The following WWOX variants were observed in gnomAD, a reference collection of about 807,000 sequenced individuals.
The protein encoded by WWOX is WW domain containing oxidoreductase, also known as WW domain-containing oxidoreductase.
WWOX carries 69 observed loss-of-function variants against 46.2 expected under a neutral mutation model. The ratio of observed to expected loss-of-function variants is 1.49; its 90% CI spans 1.23 to 1.82. The LOEUF (loss-of-function observed/expected upper bound fraction) is 1.82, where lower values mean the gene tolerates loss of function less well. Ranked by LOEUF, WWOX falls within the 40% of genes most tolerant of loss-of-function variation. WWOX has a pLI of 0.00. For synonymous variants in WWOX, 359 were observed against 202.6 expected, an observed-to-expected ratio of 1.77 and a Z score of -6.56; for missense variants, 919 against 542.6, an observed-to-expected ratio of 1.69 and a Z score of -6.89.
intron 8 of WWOX, among the ~76,000 whole-genome samples, chr16:79,199,193 A>C (rs1368896848): frequency 6.6e-6 from 1 of 152,088 alleles, no homozygotes; most frequent in Non-Finnish European, 1.5e-5. Flanking sequence ...CTCCCAAGTA[A>C]GTGGGACTAC....
At chr16:78,509,141 A>G (rs80098896) in intron 8 of WWOX, among the ~76,000 whole-genome samples, 7,628 of 152,294 alleles carry the variant, frequency 0.05, 252 homozygotes, top group Non-Finnish European at 0.075. Flanking sequence ...AAGTTATTCA[A>G]TTAATAATTG....
At chr16:78,618,016 A>G (rs1417226541) in intron 8 of WWOX, among the ~76,000 whole-genome samples, 1 of 152,216 alleles carries the variant, frequency 6.6e-6, no homozygotes, top group Non-Finnish European at 1.5e-5. Flanking sequence ...AGCACCTGCT[A>G]TGAGCCAGAT....
At chr16:78,699,490 G>C (rs900488980) in intron 8 of WWOX, among the ~76,000 whole-genome samples, 2 of 152,186 alleles carry the variant, frequency 1.3e-5, no homozygotes, top group African/African-American at 4.8e-5. Flanking sequence ...AGTGAGCTGA[G>C]ATCGTGCCAC....
At chr16:78,471,250 A>T (rs1190281940) in intron 8 of WWOX, among the ~76,000 whole-genome samples, 1 of 152,212 alleles carries the variant, frequency 6.6e-6, no homozygotes, top group South Asian at 2.1e-4. Context: ...TGTCCTGCCA[A>T]TTCTTGAGCT....
intron 8 of WWOX, among the ~76,000 whole-genome samples, chr16:78,820,028 A>G (rs78256852): frequency 0.012 from 1,757 of 152,322 alleles, 40 homozygotes; most frequent in East Asian, 0.056. Flanking sequence ...GGAAAATAAA[A>G]TAACTCTGGC....
chr16:79,010,364 G>C (rs1301616509), intron 8 of WWOX, among the ~76,000 whole-genome samples: 1 of 152,120 alleles, frequency 6.6e-6, no homozygotes, highest in Non-Finnish European at 1.5e-5. Flanking sequence ...CTCAGTGGCA[G>C]CTTCAGAGAC....
chr16:78,319,013 C>A (rs1040925763), intron 5 of WWOX, among the ~76,000 whole-genome samples: 5 of 152,128 alleles, frequency 3.3e-5, no homozygotes, highest in African/African-American at 9.7e-5. Context: ...GTTACTGATC[C>A]TGCGAAGTTA....
intron 5 of WWOX, chr16:78,264,897 TCTTTCCTTTCTTTTTCTTTTTCTC>T (rs1292892964): frequency 2.0e-5 from 3 of 151,816 alleles, no homozygotes; most frequent in African/African-American, 4.8e-5. Context: ...TATCTTTGTT[TCTTTCCTTTCTTTTTCTTTTTCTC>T]CTTTCCTTTC....
chr16:78,549,125 A>G (rs2044117031), intron 8 of WWOX, among the ~76,000 whole-genome samples: 1 of 152,190 alleles, frequency 6.6e-6, no homozygotes, highest in African/African-American at 2.4e-5. Flanking sequence ...TGGTATTGAG[A>G]TTTGTGGAGG....
chr16:78,455,088 G>C (rs2083783349), intron 8 of WWOX, among the ~76,000 whole-genome samples: 1 of 152,200 alleles, frequency 6.6e-6, no homozygotes, highest in African/African-American at 2.4e-5. Context: ...GTGAAAGGGA[G>C]GTGAGATGAG....
chr16:78,359,467 G>T (rs1048314484), intron 5 of WWOX, among the ~76,000 whole-genome samples: 1 of 152,042 alleles, frequency 6.6e-6, no homozygotes, highest in East Asian at 1.9e-4. Context: ...ACATATAAAG[G>T]ATCGATAGTT....
At chr16:78,286,637 C>T (rs1215952221) in intron 5 of WWOX, among the ~76,000 whole-genome samples, 1 of 151,728 alleles carries the variant, frequency 6.6e-6, no homozygotes, top group African/African-American at 2.4e-5. Context: ...CACTGATGCA[C>T]TTTTGGTATG....
chr16:79,152,823 G>C (rs1400108138), intron 8 of WWOX, among the ~76,000 whole-genome samples: 1 of 152,310 alleles, frequency 6.6e-6, no homozygotes, highest in South Asian at 2.1e-4. Flanking sequence ...CCAGCACTGG[G>C]GTGGAGGCCG....
At chr16:78,947,194 TGAA>T (rs2045966078) in intron 8 of WWOX, among the ~76,000 whole-genome samples, 1 of 151,552 alleles carries the variant, frequency 6.6e-6, no homozygotes, top group South Asian at 2.1e-4. Context: ...CCCATAACAA[TGAA>T]ATAAATTAGG....
At position 79,132,008 on chromosome 16, in the gene WWOX, T is replaced by G. The variant is rs1208854897; in HGVS notation, c.1057-79600T>G. On this transcript the variant is annotated intron_variant, in intron 8 of 8. Transcript: ENST00000566780. Reference sequence around the variant, plus strand: ...GTACAGGAAAGACCCACCCCCATGATTCAGTTGTCTCCCTCCAGGTCCCTT... The same window carrying G: ...GTACAGGAAAGACCCACCCCCATGAGTCAGTTGTCTCCCTCCAGGTCCCTT... 2.0e-5 allele frequency among the ~76,000 whole-genome samples: 3 copies of G among 152,076 alleles called. No homozygotes were observed. In the East Asian group the frequency reaches 5.8e-4, roughly 29 times the overall value.
intron 8 of WWOX, among the ~76,000 whole-genome samples, chr16:78,495,734 C>G (rs1264694762): frequency 6.6e-6 from 1 of 151,806 alleles, no homozygotes; most frequent in African/African-American, 2.4e-5. Context: ...GTCTCGAACT[C>G]CTGACCTCAA....
At chr16:78,228,942 A>G (rs1354379682) in intron 5 of WWOX, among the ~76,000 whole-genome samples, 1 of 152,196 alleles carries the variant, frequency 6.6e-6, no homozygotes, top group Non-Finnish European at 1.5e-5. Flanking sequence ...CAAATCTAAC[A>G]GGAAGCTCCA....
intron 8 of WWOX, among the ~76,000 whole-genome samples, chr16:78,850,623 C>G (rs1338305248): frequency 6.6e-6 from 1 of 152,194 alleles, no homozygotes; most frequent in East Asian, 1.9e-4. Context: ...TATTTACCAT[C>G]ACCATCCTTG....
chr16:78,523,672 T>C (rs1210336372), intron 8 of WWOX, among the ~76,000 whole-genome samples: 1 of 152,188 alleles, frequency 6.6e-6, no homozygotes, highest in African/African-American at 2.4e-5. Context: ...TGTGCTTCTG[T>C]AAATGGAAAT....
Sources: allele counts gnomAD v4.1 joint callset (sites outside exome capture counted in the v4.1 genomes callset), GRCh38; gene constraint gnomAD v4.1.1; transcripts MANE v1.5; gene names NCBI Gene and HGNC (gene_info 2026-07-23, HGNC 2026-07-21).